The following PCDHGB4 variants were observed in gnomAD, a reference collection of about 807,000 sequenced individuals.
PCDHGB4 encodes the protein protocadherin gamma subfamily B, 4.
In PCDHGB4, 38 loss-of-function variants were observed where a neutral mutation model predicts 60.5. The ratio of observed to expected loss-of-function variants is 0.63; its 90% confidence interval spans 0.48 to 0.82. The LOEUF is 0.82. Among genes scored for constraint, PCDHGB4 ranks in the 40% least tolerant of loss-of-function variants. PCDHGB4 has a pLI of 0.00. For synonymous variants in PCDHGB4, 456 were observed against 509.7 expected (o/e 0.89, Z 1.42); for missense variants, 1,109 against 1,209.6 (o/e 0.92, Z 1.23).
At chr5:141,392,973 C>A (rs1405082783) in intron 1 of PCDHGB4, 1 of 1,613,888 alleles carries the variant, frequency 6.2e-7, no homozygotes, top group South Asian at 1.1e-5. Flanking sequence ...GGACCTGGGG[C>A]TGGACCCCCG....
intron 1 of PCDHGB4, chr5:141,440,652 C>T (rs755275974): frequency 6.6e-6 from 1 of 152,160 alleles, no homozygotes; most frequent in Non-Finnish European, 1.5e-5. Flanking sequence ...AAAATTATCA[C>T]CTTAGCAGCA....
In PCDHGB4 at chr5:141,489,077, C is replaced by CCCCCCACCGGG; in HGVS notation, c.2398-5730_2398-5729insCCCCCACCGGG. ...AGCTCCCCTCCCCCCTGCCCACCCCCGCCACTCGGTGACTAAGAACTGCTG... is the reference window on the plus strand; with the variant it reads ...AGCTCCCCTCCCCCCTGCCCACCCCCCCCCCACCGGGGCCACTCGGTGACTAAGAACTGCTG... On this transcript the variant is annotated intron_variant, in intron 1 of 3. Transcript: ENST00000519479. The surrounding 1 kb of genome is among the most constrained non-coding windows in gnomAD (Gnocchi z 4.5). 6.1e-6 allele frequency: 2 copies of CCCCCCACCGGG among 325,756 alleles called. No individual in the cohort carries two copies. Among genetic ancestry groups the CCCCCCACCGGG allele is most frequent in the Non-Finnish European group, 5.5e-6 (1 of 181,460 alleles). The allele number at this position is 325,756 out of a possible 1,614,324, so 20.2% of individuals were successfully genotyped here.
At chr5:141,400,052 T>C in intron 1 of PCDHGB4, 1 of 1,613,686 alleles carries the variant, frequency 6.2e-7, no homozygotes, top group Non-Finnish European at 8.5e-7. Context: ...CTGGTTGCTG[T>C]GCGTGATGGT....
intron 1 of PCDHGB4, chr5:141,479,722 T>C (rs2099504690): frequency 6.6e-6 from 1 of 152,240 alleles, no homozygotes; most frequent in African/African-American, 2.4e-5. Context: ...CCAGCCTTAT[T>C]TTTCTTAAGT....
At chr5:141,397,614 A>ACTAGAACT (rs2150713337) in intron 1 of PCDHGB4, among the ~76,000 whole-genome samples, 1 of 152,358 alleles carries the variant, frequency 6.6e-6, no homozygotes, top group African/African-American at 2.4e-5. Context: ...CAAGGGCAAT[A>ACTAGAACT]CTTAGTTCTA....
chr5:141,490,990 C>A lies in PCDHGB4; in HGVS notation c.2398-3817C>A, dbSNP rs1230384508. On this transcript the variant is annotated intron_variant, in intron 1 of 3. Transcript: ENST00000519479. The surrounding 1 kb of genome is among the most constrained non-coding windows in gnomAD (Gnocchi z 5.4). ...CCCCCAGCGTCTCCCTCGCTCTGCTCCTCCTGGCTCCTTGGTCACCAAGGT... is the reference window on the plus strand; with the variant it reads ...CCCCCAGCGTCTCCCTCGCTCTGCTACTCCTGGCTCCTTGGTCACCAAGGT... The A allele has an allele frequency of 6.2e-7, 1 of 1,614,102 alleles. No homozygotes were observed. The highest frequency in any genetic ancestry group is 8.5e-7 in the Non-Finnish European group (1 of 1,180,022).
chr5:141,410,066 C>G, intron 1 of PCDHGB4: 1 of 1,612,912 alleles, frequency 6.2e-7, no homozygotes, highest in Non-Finnish European at 8.5e-7. Context: ...CCTGGGGCTG[C>G]GCACTGGGGA....
intron 1 of PCDHGB4, chr5:141,424,442 T>C (rs2096821583): frequency 6.6e-6 from 1 of 152,244 alleles, no homozygotes; most frequent in South Asian, 2.1e-4. Context: ...AATTGAATTA[T>C]TGAACTGGTA....
intron 1 of PCDHGB4, among the ~76,000 whole-genome samples, chr5:141,466,121 CA>C (rs908379481): frequency 4.8e-5 from 7 of 146,852 alleles, no homozygotes; most frequent in Non-Finnish European, 6.0e-5. Context: ...GACTCCAGCT[CA>C]AAAAAAAAAT....
Position 141,490,122 on chromosome 5 carries a change from C to T in PCDHGB4, c.2398-4685C>T. 3 of 1,614,260 alleles carry T rather than the reference C, an allele frequency of 1.9e-6. No homozygotes were observed. The highest frequency in any genetic ancestry group is 2.5e-6 in the Non-Finnish European group (3 of 1,180,046). On this transcript the variant is annotated intron_variant, in intron 1 of 3. Coordinates refer to ENST00000519479, the MANE Select transcript of PCDHGB4 (RefSeq NM_003736.4). The surrounding 1 kb of genome is among the most constrained non-coding windows in gnomAD (Gnocchi z 5.4). ...CTGAGGCAGTGCGGAACCTCTTTGG[C>T]CTAGACCCTAGCAGTGGGGCAATCC... is the stretch of plus-strand genomic sequence containing the variant.
At chr5:141,398,282 C>T in intron 1 of PCDHGB4, 2 of 1,401,814 alleles carry the variant, frequency 1.4e-6, no homozygotes, top group South Asian at 2.6e-5. Context: ...AACCTCGCCA[C>T]GGACCTGGGG....
Position 141,393,514 on chromosome 5 carries a change from A to T in PCDHGB4, c.2397+3233A>T, listed in dbSNP as rs72492419. 17 of 1,613,912 alleles carry T rather than the reference A, an allele frequency of 1.1e-5. No individual in the cohort carries two copies. In the East Asian group the frequency reaches 3.8e-4, roughly 36 times the overall value. Reference sequence around the variant, plus strand: ...GTGCGCATCCACGTGACAGTGTTGGATACAAATGACAATGCCCCGGTTTTT... The same window carrying T: ...GTGCGCATCCACGTGACAGTGTTGGTTACAAATGACAATGCCCCGGTTTTT... On this transcript the variant is annotated intron_variant, in intron 1 of 3. Coordinates refer to ENST00000519479, the MANE Select transcript of PCDHGB4 (RefSeq NM_003736.4).
In PCDHGB4 at chr5:141,477,813, A is replaced by T; in HGVS notation, c.2398-16994A>T. ...ACTGATCGCAATGACAATGCCCCCC[A>T]GGTCCTATATCCTCGGCCAGGTGGG... On this transcript the variant is annotated intron_variant, in intron 1 of 3. Coordinates refer to ENST00000519479, the MANE Select transcript of PCDHGB4 (RefSeq NM_003736.4). The surrounding 1 kb of genome is among the most constrained non-coding windows in gnomAD (Gnocchi z 4.9). The T allele has an allele frequency of 6.2e-7, 1 of 1,614,122 alleles. No homozygotes were observed. The highest frequency in any genetic ancestry group is 1.1e-5 in the South Asian group (1 of 91,084).
chr5:141,433,397 A>ATCTG (rs1179042498), intron 1 of PCDHGB4, among the ~76,000 whole-genome samples: 9 of 150,410 alleles, frequency 6.0e-5, no homozygotes, highest in Non-Finnish European at 1.0e-4. Context: ...CTATCTATCT[A>ATCTG]TCTATCTATT....
At chr5:141,419,635 G>A in intron 1 of PCDHGB4, 1 of 1,612,480 alleles carries the variant, frequency 6.2e-7, no homozygotes, top group African/African-American at 1.3e-5. Flanking sequence ...CCAAGGTGGT[G>A]GCCGTGGACG....
intron 1 of PCDHGB4, chr5:141,427,653 G>A (rs1221862562): frequency 4.1e-6 from 3 of 725,570 alleles, no homozygotes; most frequent in Non-Finnish European, 4.9e-6. Flanking sequence ...CTCCTACGTG[G>A]TCCACGTGGC....
At chr5:141,433,272 C>A in intron 1 of PCDHGB4, 1 of 1,252,410 alleles carries the variant, frequency 8.0e-7, no homozygotes, top group Non-Finnish European at 1.1e-6. Context: ...TAGCTCACTG[C>A]AGCCTCAAAC....
intron 1 of PCDHGB4, chr5:141,403,999 T>C (rs1399272947): frequency 3.1e-6 from 5 of 1,613,898 alleles, no homozygotes; most frequent in Non-Finnish European, 4.2e-6. Context: ...AAGTGACCAT[T>C]ACATCTCTGT....
intron 1 of PCDHGB4, chr5:141,391,507 T>C (rs2092381186): frequency 6.6e-6 from 1 of 152,172 alleles, no homozygotes; most frequent in Non-Finnish European, 1.5e-5. Context: ...AGAAAATATT[T>C]TCTTTCACTA....
Sources: allele counts gnomAD v4.1 joint callset (sites outside exome capture counted in the v4.1 genomes callset), GRCh38; gene constraint gnomAD v4.1.1; non-coding constraint Gnocchi (gnomAD v3.1); transcripts MANE v1.5; gene names NCBI Gene and HGNC (gene_info 2026-07-23, HGNC 2026-07-21).